Variants in URI1 observed in about 807,000 individuals in gnomAD.
The protein encoded by URI1 is unconventional prefoldin RPB5 interactor 1.
Under a neutral mutation model 60.2 loss-of-function variants are expected in URI1, and 39 were observed. The ratio of observed to expected loss-of-function variants is 0.65; its 90% CI spans 0.50 to 0.85. The LOEUF (loss-of-function observed/expected upper bound fraction) is 0.85. URI1 is among the 40% of genes least tolerant of loss of function. The pLI is 0.00. For synonymous variants in URI1, 251 were observed against 236.8 expected (o/e 1.06, Z -0.55); for missense variants, 691 against 665.9 (o/e 1.04, Z -0.42).
chr19:29,992,319 C>T (rs1461441355), intron 4 of URI1, among the ~76,000 whole-genome samples: 1 of 152,210 alleles, frequency 6.6e-6, no homozygotes, highest in Non-Finnish European at 1.5e-5. Context: ...ATCTGCCTAC[C>T]TTGGCCTCCC....
chr19:29,994,124 A>G (rs912613871), intron 4 of URI1, among the ~76,000 whole-genome samples: 2 of 152,066 alleles, frequency 1.3e-5, no homozygotes, highest in African/African-American at 4.8e-5. Context: ...TAAATGACTT[A>G]AGATACAATT....
At chr19:29,948,073 C>G (rs1711895878) in intron 1 of URI1, among the ~76,000 whole-genome samples, 1 of 152,064 alleles carries the variant, frequency 6.6e-6, no homozygotes, top group African/African-American at 2.4e-5. Flanking sequence ...TGTCATAAAT[C>G]AGGTGACTGT....
chr19:29,944,105 C>T (rs1173739330), intron 1 of URI1, among the ~76,000 whole-genome samples: 1 of 121,896 alleles, frequency 8.2e-6, no homozygotes, highest in Non-Finnish European at 1.7e-5. Flanking sequence ...TGCAACTGCA[C>T]TTCACCCTGG....
intron 8 of URI1, among the ~76,000 whole-genome samples, chr19:30,010,197 C>T (rs139492360): frequency 5.8e-4 from 89 of 152,212 alleles, no homozygotes; most frequent in African/African-American, 2.0e-3. Flanking sequence ...CACAATATCC[C>T]GATTGCCTGT....
At chr19:29,960,808 A>G (rs1270313394) in intron 1 of URI1, among the ~76,000 whole-genome samples, 1 of 152,028 alleles carries the variant, frequency 6.6e-6, no homozygotes. Context: ...CATTGTATTT[A>G]TTTTTTATTC....
intron 1 of URI1, among the ~76,000 whole-genome samples, chr19:29,952,532 A>G (rs918869332): frequency 1.1e-4 from 16 of 149,746 alleles, no homozygotes; most frequent in Non-Finnish European, 7.4e-5. Context: ...CTAGGACTTA[A>G]AACAATACAA....
At chr19:29,937,286 G>T (rs553141232), upstream of URI1, among the ~76,000 whole-genome samples, 1 of 152,114 alleles carries the variant, frequency 6.6e-6, no homozygotes, top group South Asian at 2.1e-4. Context: ...ATATTATTTT[G>T]GTTTCCTTTA....
Position 29,986,551 on chromosome 19 carries a change from T to C in URI1, c.367+134T>C, listed in dbSNP as rs953857394. On this transcript the variant is annotated intron_variant, in intron 4 of 10. Coordinates refer to ENST00000392271, the MANE Select transcript of URI1 (RefSeq NM_003796.3). ...CCAGGCTGTTTGTGATTCTGTTGAA[T>C]TGTAGGTAGTTTGAGTAGAACCAAC... is the stretch of plus-strand genomic sequence containing the variant. 3 of 1,151,704 alleles carry C rather than the reference T, an allele frequency of 2.6e-6. No homozygotes were observed. In the African/African-American group the frequency reaches 4.9e-5, roughly 19 times the overall value. 71.3% of individuals were successfully genotyped at this position (1,151,704 alleles called of 1,614,324 possible).
intron 1 of URI1, among the ~76,000 whole-genome samples, chr19:29,952,188 G>C (rs770341596): frequency 6.6e-6 from 1 of 152,178 alleles, no homozygotes; most frequent in Admixed American, 6.5e-5. Flanking sequence ...ATAAGGGTTA[G>C]TGAAAAACAA....
Position 30,015,377 on chromosome 19 carries a change from G to A in URI1, c.*308G>A. On this transcript the variant is annotated 3_prime_UTR_variant, in exon 11 of 11. Coordinates refer to ENST00000392271, the MANE Select transcript of URI1 (RefSeq NM_003796.3). ...TACTGTTCATATGCATTGTTTTTGT[G>A]TTTCAAACTAAATACAGGCAGTTTT... The A allele has an allele frequency of 7.0e-7, 1 of 1,431,722 alleles. No homozygotes were observed. The highest frequency in any genetic ancestry group is 9.1e-7 in the Non-Finnish European group (1 of 1,100,916). 88.7% of individuals were successfully genotyped at this position (1,431,722 alleles called of 1,614,324 possible).
intron 1 of URI1, chr19:29,956,324 A>G: frequency 3.2e-6 from 2 of 625,414 alleles, no homozygotes; most frequent in South Asian, 2.0e-5. Context: ...CCAAATCAAT[A>G]GGTCTTTTAT....
chr19:29,926,344 A>G (rs1439368483), intron 1 of URI1, among the ~76,000 whole-genome samples: 3 of 149,570 alleles, frequency 2.0e-5, no homozygotes, highest in Admixed American at 1.4e-4. Flanking sequence ...CAGTGGTACA[A>G]TTATAGCTTT....
At chr19:30,006,386 G>A (rs1332104473) in intron 6 of URI1, among the ~76,000 whole-genome samples, 2 of 152,106 alleles carry the variant, frequency 1.3e-5, no homozygotes, top group Non-Finnish European at 2.9e-5. Flanking sequence ...TTGACTTTCA[G>A]CACTCATATT....
chr19:29,929,252 A>G (rs1767842568), intron 1 of URI1, among the ~76,000 whole-genome samples: 2 of 152,178 alleles, frequency 1.3e-5, no homozygotes, highest in African/African-American at 4.8e-5. Flanking sequence ...GGAATGAAAG[A>G]GAGTTTCAAT....
At chr19:29,943,595 C>A (rs1315114305) in intron 1 of URI1, among the ~76,000 whole-genome samples, 1 of 152,130 alleles carries the variant, frequency 6.6e-6, no homozygotes, top group African/African-American at 2.4e-5. Flanking sequence ...TTTAATTGAA[C>A]ATTCCTGTAT....
At chr19:29,964,207 C>T (rs1434086803) in intron 1 of URI1, among the ~76,000 whole-genome samples, 1 of 152,206 alleles carries the variant, frequency 6.6e-6, no homozygotes, top group Non-Finnish European at 1.5e-5. Context: ...TCTCCCCTCT[C>T]TGAATCCTTG....
At chr19:29,956,667 A>G in intron 1 of URI1, 2 of 1,539,438 alleles carry the variant, frequency 1.3e-6, no homozygotes, top group Non-Finnish European at 9.0e-7. Context: ...CAAGAGACCC[A>G]TTCTGGATAA....
intron 4 of URI1, among the ~76,000 whole-genome samples, chr19:29,994,264 C>T: frequency 6.6e-6 from 1 of 152,162 alleles, no homozygotes. Flanking sequence ...CCCCCTGGCA[C>T]TGCTAACTAG....
chr19:29,982,780 TG>T (rs1324711681), intron 2 of URI1, among the ~76,000 whole-genome samples: 2 of 152,326 alleles, frequency 1.3e-5, no homozygotes, highest in Admixed American at 1.3e-4. Context: ...TTGAAAGTTT[TG>T]GAATTGATGT....
Sources: gnomAD v4.1 joint callset for allele counts (sites outside exome capture counted in the v4.1 genomes callset) on GRCh38, gnomAD v4.1.1 for gene constraint, MANE v1.5 for transcripts, NCBI Gene and HGNC (gene_info 2026-07-23, HGNC 2026-07-21) for gene names.